ANKS1A: variants seen among roughly 807,000 people sequenced by gnomAD.
The protein encoded by ANKS1A is ankyrin repeat and sterile alpha motif domain containing 1A, also known as ankyrin repeat and SAM domain-containing protein 1A.
ANKS1A carries 55 observed loss-of-function variants against 120.3 expected under a neutral mutation model. The observed-to-expected ratio is 0.46, with a 90% confidence interval of 0.37 to 0.57. The LOEUF is 0.57. ANKS1A is among the 20% of genes least tolerant of loss of function. The pLI is 0.00. For missense variants in ANKS1A, 1,123 were observed against 1,480.3 expected (o/e 0.76, Z 3.96); for synonymous variants, 590 against 604.7 (o/e 0.98, Z 0.36).
chr6:35,030,202 A>G (rs138307804), intron 11 of ANKS1A, among the ~76,000 whole-genome samples: 1 of 152,360 alleles, frequency 6.6e-6, no homozygotes, highest in East Asian at 1.9e-4. Context: ...TTTCAACCCA[A>G]ATTATTGCAG....
In ANKS1A at chr6:35,057,004, G is replaced by T. The variant is rs1481547917; in HGVS notation, c.2077+2839G>T. Reference sequence around the variant, plus strand: ...AGATTGTCCTTGGGTTGGGCGTCAGGATCAGGGAGAAAAGATCTGGGCTCT... The same window carrying T: ...AGATTGTCCTTGGGTTGGGCGTCAGTATCAGGGAGAAAAGATCTGGGCTCT... On this transcript the variant is annotated intron_variant, in intron 12 of 23. Coordinates refer to ENST00000360359, the MANE Select transcript of ANKS1A (RefSeq NM_015245.3). The surrounding 1 kb of genome is among the most constrained non-coding windows in gnomAD (Gnocchi z 4.1). 6.6e-6 allele frequency among the ~76,000 whole-genome samples: 1 copy of T among 152,056 alleles called. No homozygotes were observed. The highest frequency in any genetic ancestry group is 2.0e-4 in the East Asian group (1 of 5,088).
chr6:35,062,522 C>G (rs1266886834), intron 13 of ANKS1A, among the ~76,000 whole-genome samples: 2 of 152,218 alleles, frequency 1.3e-5, no homozygotes, highest in Non-Finnish European at 2.9e-5. Context: ...CTGAAATGCC[C>G]TGGAGACTCT....
intron 1 of ANKS1A, among the ~76,000 whole-genome samples, chr6:34,900,047 T>A (rs1767271932): frequency 6.6e-6 from 1 of 152,272 alleles, no homozygotes; most frequent in Non-Finnish European, 1.5e-5. Flanking sequence ...CTTAATACTT[T>A]GCTCTGTCTG....
rs895655850 is a variant in ANKS1A at position 34,931,739 on chromosome 6, C to T, written c.198-35500C>T. Among the ~76,000 whole-genome samples the T allele has an allele frequency of 1.3e-4, 20 of 152,068 alleles. 1 individual carries two copies. The stretch of plus-strand genomic sequence containing the variant: ...GCACTCTTTCCTTCATGGAGGATAC[C>T]CCCTATAATCTAGGTGCAAGTCTGG... On this transcript the variant is annotated intron_variant, in intron 1 of 23. Coordinates refer to ENST00000360359, the MANE Select transcript of ANKS1A (RefSeq NM_015245.3).
chr6:35,088,489 C>A, intron 23 of ANKS1A, 117 bp from the exon 24 acceptor site: 1 of 1,352,344 alleles, frequency 7.4e-7, no homozygotes. Context: ...TGGAGGGTGC[C>A]CCGGGGAGGC....
intron 1 of ANKS1A, among the ~76,000 whole-genome samples, chr6:34,937,310 A>AT (rs1014738553): frequency 2.0e-5 from 3 of 150,304 alleles, no homozygotes; most frequent in Non-Finnish European, 4.4e-5. Flanking sequence ...ATCTTAAAAA[A>AT]ATATATATAT....
chr6:35,083,149 C>T lies in ANKS1A; in HGVS notation c.2836-6C>T. On this transcript the variant is annotated splice_region_variant and splice_polypyrimidine_tract_variant and intron_variant, in intron 18 of 23. Transcript: ENST00000360359. ...TCCTAAGCCTGGCCACTGCTCGCCC[C>T]CACAGTATCTGGGCTCCATGCTGAT... is the stretch of plus-strand genomic sequence containing the variant. 1 of 1,613,930 alleles carries T rather than the reference C, an allele frequency of 6.2e-7. No homozygotes were observed.
At chr6:35,045,815 A>G (rs577096174) in intron 11 of ANKS1A, among the ~76,000 whole-genome samples, 1 of 152,230 alleles carries the variant, frequency 6.6e-6, no homozygotes. Flanking sequence ...TGCCTAGTGC[A>G]GTGAGGACCC....
At chr6:35,015,668 G>A (rs1773962559) in intron 10 of ANKS1A, among the ~76,000 whole-genome samples, 1 of 152,200 alleles carries the variant, frequency 6.6e-6, no homozygotes, top group African/African-American at 2.4e-5. Flanking sequence ...CTCTTCTGGA[G>A]CTGGGAGGGG....
At chr6:35,045,179 C>T (rs1051917774) in intron 11 of ANKS1A, among the ~76,000 whole-genome samples, 5 of 152,228 alleles carry the variant, frequency 3.3e-5, no homozygotes, top group Non-Finnish European at 7.3e-5. Context: ...GTCTTTTAGG[C>T]AATGCACAGC....
In ANKS1A at chr6:35,078,650, A is replaced by T; in HGVS notation, c.2277A>T (p.Leu759=). ...RRKLLQAARS[L]PKVKALGYDG... is the part of the protein sequence containing the mutation. The stretch of plus-strand genomic sequence containing the variant: ...AGCTGCTCCAGGCGGCACGCTCCCT[A>T]CCCAAGGTGACCATCGCCGGCCCTG... The change falls in exon 14 of 24, where the codon CTA becomes CTT. Residue 759 remains leucine, a synonymous_variant. Transcript: ENST00000360359. 5.6e-6 allele frequency: 9 copies of T among 1,601,474 alleles called. No homozygotes were observed. The highest frequency in any genetic ancestry group is 7.6e-6 in the Non-Finnish European group (9 of 1,179,834).
intron 10 of ANKS1A, among the ~76,000 whole-genome samples, chr6:35,004,662 A>G (rs1408919376): frequency 1.6e-5 from 2 of 128,816 alleles, no homozygotes; most frequent in Non-Finnish European, 3.5e-5. Flanking sequence ...TCACACCTGT[A>G]ATCCCAGTAC....
At chr6:34,949,371 A>C (rs982613059) in intron 1 of ANKS1A, among the ~76,000 whole-genome samples, 5 of 152,222 alleles carry the variant, frequency 3.3e-5, no homozygotes, top group Admixed American at 6.5e-5. Flanking sequence ...ACTGCATGTC[A>C]GGCTAAGAAG....
chr6:35,001,598 G>A (rs1018960005), intron 10 of ANKS1A, among the ~76,000 whole-genome samples: 44 of 152,246 alleles, frequency 2.9e-4, no homozygotes, highest in African/African-American at 9.9e-4. Flanking sequence ...GGTTCACTTC[G>A]TGTCTCTCAC....
rs759441385 is a variant in ANKS1A at position 34,985,161 on chromosome 6, G to A, written c.1092G>A (p.Leu364=). 2.8e-5 allele frequency: 45 copies of A among 1,614,072 alleles called. No individual in the cohort carries two copies. Among genetic ancestry groups the A allele is most frequent in the Middle Eastern group, 1.6e-4 (1 of 6,082 alleles). ...NAEEEGPYEA[L]YNAISCHSLD... is the part of the protein sequence containing the mutation. Reference sequence around the variant, plus strand: ...AAGAAGAGGGTCCCTACGAAGCTCTGTATAATGCCATCTCCTGCCATTCGT... The same window carrying A: ...AAGAAGAGGGTCCCTACGAAGCTCTATATAATGCCATCTCCTGCCATTCGT... The change falls in exon 8 of 24, where the codon CTG becomes CTA. Residue 364 remains leucine, a synonymous_variant. Transcript: ENST00000360359.
intron 11 of ANKS1A, chr6:35,023,506 G>A (rs1774456009): frequency 6.5e-6 from 2 of 306,444 alleles, no homozygotes; most frequent in East Asian, 1.2e-4. Context: ...CACCAGAGCT[G>A]TGGCAGTAGA....
intron 1 of ANKS1A, among the ~76,000 whole-genome samples, chr6:34,957,790 C>T (rs1457806062): frequency 6.6e-6 from 1 of 152,152 alleles, no homozygotes; most frequent in African/African-American, 2.4e-5. Context: ...CATTCAGTGT[C>T]AAGGGACTGG....
chr6:35,068,522 C>A (rs1235027586), intron 13 of ANKS1A, among the ~76,000 whole-genome samples: 1 of 152,214 alleles, frequency 6.6e-6, no homozygotes, highest in African/African-American at 2.4e-5. Context: ...CTCTTCCTAC[C>A]CTCCCTACTC....
chr6:34,954,611 T>C (rs1770255080), intron 1 of ANKS1A, among the ~76,000 whole-genome samples: 1 of 152,220 alleles, frequency 6.6e-6, no homozygotes, highest in Non-Finnish European at 1.5e-5. Context: ...TGCTTGTGTC[T>C]CTCTTAAGAG....
Sources: allele counts gnomAD v4.1 joint callset (sites outside exome capture counted in the v4.1 genomes callset), GRCh38; gene constraint gnomAD v4.1.1; non-coding constraint Gnocchi (gnomAD v3.1); transcripts MANE v1.5; gene names NCBI Gene and HGNC (gene_info 2026-07-23, HGNC 2026-07-21).